HHAT: variants seen among roughly 807,000 people sequenced by gnomAD.
HHAT encodes protein-cysteine N-palmitoyltransferase HHAT.
HHAT carries 47 observed loss-of-function variants against 70.8 expected under a neutral mutation model. That is an observed-to-expected ratio of 0.66 (90% confidence interval 0.53 to 0.85). HHAT has a LOEUF of 0.85. HHAT is among the 40% of genes least tolerant of loss of function. The pLI, the probability that HHAT is intolerant of heterozygous loss-of-function variation, is 0.00. For missense variants in HHAT, 609 were observed against 604.8 expected, an observed-to-expected ratio of 1.01 and a Z score of -0.07; for synonymous variants, 228 against 247.6, an observed-to-expected ratio of 0.92 and a Z score of 0.74.
intron 9 of HHAT, among the ~76,000 whole-genome samples, chr1:210,579,855 G>A (rs1462588225): frequency 5.9e-5 from 9 of 152,198 alleles, no homozygotes; most frequent in Admixed American, 5.9e-4. Flanking sequence ...TGAAGCCAGA[G>A]TTTGGGTTTT....
At chr1:210,641,849 T>G (rs1673031368) in intron 11 of HHAT, among the ~76,000 whole-genome samples, 1 of 152,210 alleles carries the variant, frequency 6.6e-6, no homozygotes, top group South Asian at 2.1e-4. Flanking sequence ...GCAATGCTGC[T>G]TCTGCCATGT....
intron 7 of HHAT, among the ~76,000 whole-genome samples, chr1:210,420,089 G>A (rs2092850164): frequency 2.0e-5 from 3 of 152,188 alleles, no homozygotes; most frequent in Admixed American, 2.0e-4. Flanking sequence ...CCCTTAGTTT[G>A]TACTCGTAAT....
chr1:210,422,083 A>G (rs1447661262), intron 7 of HHAT, among the ~76,000 whole-genome samples: 2 of 152,198 alleles, frequency 1.3e-5, no homozygotes, highest in Non-Finnish European at 2.9e-5. Flanking sequence ...AAAAATCTTT[A>G]GTTATTGTGT....
intron 7 of HHAT, among the ~76,000 whole-genome samples, chr1:210,442,771 G>A (rs2148364545): frequency 6.6e-6 from 1 of 152,226 alleles, no homozygotes; most frequent in East Asian, 1.9e-4. Context: ...AGATGAGTAG[G>A]TTGCGAAAAT....
intron 9 of HHAT, among the ~76,000 whole-genome samples, chr1:210,580,022 A>G (rs1377058069): frequency 6.6e-6 from 1 of 152,230 alleles, no homozygotes; most frequent in African/African-American, 2.4e-5. Flanking sequence ...TAGAAGTTGA[A>G]GTGTAGGCTA....
intron 7 of HHAT, among the ~76,000 whole-genome samples, chr1:210,421,537 C>A (rs1572324456): frequency 6.6e-6 from 1 of 152,206 alleles, no homozygotes; most frequent in East Asian, 1.9e-4. Context: ...CCTCCACCTC[C>A]TGAGTTGAAG....
At chr1:210,379,705 A>C (rs1276355126) in intron 3 of HHAT, among the ~76,000 whole-genome samples, 1 of 152,204 alleles carries the variant, frequency 6.6e-6, no homozygotes, top group Non-Finnish European at 1.5e-5. Context: ...ATCAAAGTAA[A>C]ATCGAGTTTG....
intron 8 of HHAT, among the ~76,000 whole-genome samples, chr1:210,496,608 A>G (rs1264135963): frequency 6.6e-6 from 1 of 152,196 alleles, no homozygotes; most frequent in Non-Finnish European, 1.5e-5. Context: ...AATGTGGGTC[A>G]TGTGAGAAAG....
At chr1:210,573,073 T>C (rs1656737547) in intron 9 of HHAT, among the ~76,000 whole-genome samples, 1 of 152,184 alleles carries the variant, frequency 6.6e-6, no homozygotes, top group Admixed American at 6.5e-5. Flanking sequence ...CCCTCTGCTT[T>C]GATAGAAACC....
Position 210,661,112 on chromosome 1 carries a change from C to G in HHAT, c.1391-13176C>G, listed in dbSNP as rs573179009. ...AGCTTCTGCACAGCAAAAGAAACTACCATCAGAGTGAACAGGCAACCTACA... is the reference window on the plus strand; with the variant it reads ...AGCTTCTGCACAGCAAAAGAAACTAGCATCAGAGTGAACAGGCAACCTACA... On this transcript the variant is annotated intron_variant, in intron 11 of 11. Coordinates refer to ENST00000261458, the MANE Select transcript of HHAT (RefSeq NM_018194.6). 3.3e-5 allele frequency among the ~76,000 whole-genome samples: 5 copies of G among 152,266 alleles called. No individual in the cohort carries two copies. In the East Asian group the frequency reaches 9.6e-4, roughly 29 times the overall value.
intron 10 of HHAT, among the ~76,000 whole-genome samples, chr1:210,598,932 A>G (rs949321457): frequency 6.6e-6 from 1 of 152,170 alleles, no homozygotes; most frequent in Non-Finnish European, 1.5e-5. Flanking sequence ...TCATATCTCC[A>G]TCTTCAACCC....
At chr1:210,598,233 C>T (rs2148814510) in intron 10 of HHAT, among the ~76,000 whole-genome samples, 1 of 151,822 alleles carries the variant, frequency 6.6e-6, no homozygotes, top group East Asian at 2.0e-4. Flanking sequence ...CTTCTGTCTC[C>T]TCTTCTCAAG....
At position 210,343,162 on chromosome 1, in the gene HHAT, C is replaced by T. The variant is rs2086181896; in HGVS notation, c.-43-5771C>T. Among the ~76,000 whole-genome samples, 2 of 152,034 alleles carry T rather than the reference C, an allele frequency of 1.3e-5. 1 individual carries two copies. Among genetic ancestry groups the T allele is most frequent in the South Asian group, 4.2e-4 (2 of 4,804 alleles). On this transcript the variant is annotated intron_variant, in intron 1 of 11. Coordinates refer to ENST00000261458, the MANE Select transcript of HHAT (RefSeq NM_018194.6). ...AGGCACAGTGTTTCTTGTGATTAGG[C>T]AAATCTGAAGCCTGTTAGCAATAAC...
At chr1:210,338,715 A>G (rs1456748760) in intron 1 of HHAT, among the ~76,000 whole-genome samples, 4 of 152,218 alleles carry the variant, frequency 2.6e-5, no homozygotes, top group Non-Finnish European at 4.4e-5. Context: ...CTGGAATTCA[A>G]TCTTTGGCAT....
chr1:210,368,628 A>G (rs550326304), intron 3 of HHAT, among the ~76,000 whole-genome samples: 5 of 152,258 alleles, frequency 3.3e-5, no homozygotes, highest in Admixed American at 3.3e-4. Context: ...TATTACCTGC[A>G]ACATGGGAAT....
At chr1:210,427,272 G>T (rs866091298) in intron 7 of HHAT, among the ~76,000 whole-genome samples, 3 of 151,452 alleles carry the variant, frequency 2.0e-5, no homozygotes, top group Admixed American at 6.6e-5. Context: ...CCAATTCCTG[G>T]ATTCACTGAC....
intron 10 of HHAT, among the ~76,000 whole-genome samples, chr1:210,622,801 G>A (rs1481362438): frequency 6.6e-6 from 1 of 152,194 alleles, no homozygotes; most frequent in Non-Finnish European, 1.5e-5. Flanking sequence ...CCCAGGGTCA[G>A]TGTAACTGGC....
intron 9 of HHAT, among the ~76,000 whole-genome samples, chr1:210,554,541 G>A (rs935007632): frequency 6.6e-6 from 1 of 152,182 alleles, no homozygotes; most frequent in African/African-American, 2.4e-5. Context: ...TTGTGGGTGT[G>A]AGTCTGTGGA....
chr1:210,596,784 G>A (rs1663103048), intron 10 of HHAT, among the ~76,000 whole-genome samples: 1 of 152,030 alleles, frequency 6.6e-6, no homozygotes, highest in Non-Finnish European at 1.5e-5. Context: ...TGCCTGAAAG[G>A]TCACATATCT....
Sources: allele counts gnomAD v4.1 joint callset (sites outside exome capture counted in the v4.1 genomes callset), GRCh38; gene constraint gnomAD v4.1.1; transcripts MANE v1.5; gene names NCBI Gene and HGNC (gene_info 2026-07-23, HGNC 2026-07-21).